Variants in GBF1 observed in about 807,000 individuals in gnomAD.
GBF1 encodes the protein golgi brefeldin A resistant guanine nucleotide exchange factor 1.
A neutral mutation model predicts 210.5 loss-of-function variants in GBF1; 114 were observed. That is an observed-to-expected ratio of 0.54 (90% confidence interval 0.47 to 0.63). The LOEUF (loss-of-function observed/expected upper bound fraction) is 0.63. GBF1 is among the 30% of genes least tolerant of loss of function. GBF1 has a pLI of 0.00. For synonymous variants in GBF1, 850 were observed against 889.2 expected (o/e 0.96, Z 0.78); for missense variants, 1,851 against 2,357.7 (o/e 0.79, Z 4.45).
At chr10:102,340,909 A>G (rs1348202618) in intron 3 of GBF1, among the ~76,000 whole-genome samples, 1 of 152,238 alleles carries the variant, frequency 6.6e-6, no homozygotes, top group Non-Finnish European at 1.5e-5. Context: ...GGAATTAGGC[A>G]GAGTCAATTT....
the GBF1 span, chr10:102,231,585 T>C: frequency 1.3e-6 from 2 of 1,580,930 alleles, no homozygotes; most frequent in Non-Finnish European, 1.7e-6. Flanking sequence ...CTGGAGAGCA[T>C]ACCCGCACGC....
At chr10:102,242,140 T>C (rs558183817), upstream of GBF1, among the ~76,000 whole-genome samples, 16 of 152,326 alleles carry the variant, frequency 1.1e-4, no homozygotes, top group South Asian at 3.3e-3. Flanking sequence ...TCTTTCCTCA[T>C]ATCTTTCCTC....
chr10:102,235,464 G>C, the GBF1 span, among the ~76,000 whole-genome samples: 8 of 152,144 alleles, frequency 5.3e-5, no homozygotes, highest in Admixed American at 2.0e-4. Flanking sequence ...CTTACTAGCT[G>C]TGTGTCCTCG....
intron 3 of GBF1, among the ~76,000 whole-genome samples, chr10:102,277,463 C>T (rs1195250405): frequency 3.3e-5 from 5 of 150,068 alleles, no homozygotes; most frequent in African/African-American, 1.2e-4. Context: ...GATCTCGGCT[C>T]GCCTCCCGGG....
chr10:102,361,604 C>T (rs987110960), intron 13 of GBF1, 114 bp from the exon 14 acceptor site: 6 of 669,588 alleles, frequency 9.0e-6, no homozygotes, highest in Admixed American at 5.5e-5. Context: ...TCTCTTAATA[C>T]ATGCCTCTAG....
the GBF1 span, among the ~76,000 whole-genome samples, chr10:102,237,625 T>A: frequency 6.6e-6 from 1 of 152,094 alleles, no homozygotes; most frequent in Non-Finnish European, 1.5e-5. Context: ...CAACATCTAC[T>A]AGAAAACAGA....
rs753193007 is a variant in GBF1 at position 102,366,410 on chromosome 10, G to A, written c.2337G>A (p.Leu779=). 1.2e-6 allele frequency: 2 copies of A among 1,613,996 alleles called. No individual in the cohort carries two copies. The highest frequency in any genetic ancestry group is 2.7e-5 in the African/African-American group (2 of 75,016). ...CCTTCAGTTTTCAGGGTCTGCGACTGGACGAAGCCCTCCGCCTCTACCTGG... is the reference window on the plus strand; with the variant it reads ...CCTTCAGTTTTCAGGGTCTGCGACTAGACGAAGCCCTCCGCCTCTACCTGG... ...VSTFSFQGLR[L]DEALRLYLEA... The change falls in exon 19 of 40, where the codon CTG becomes CTA. Residue 779 remains leucine (L), a synonymous_variant. Transcript: ENST00000369983. The surrounding 1 kb of genome is among the most constrained non-coding windows in gnomAD (Gnocchi z 4.0).
At chr10:102,320,554 C>T (rs1189536558) in intron 3 of GBF1, among the ~76,000 whole-genome samples, 1 of 152,014 alleles carries the variant, frequency 6.6e-6, no homozygotes, top group Non-Finnish European at 1.5e-5. Context: ...TCACCTTCTA[C>T]CTGGTGCCTC....
chr10:102,252,356 G>A (rs2071659918), intron 1 of GBF1, among the ~76,000 whole-genome samples: 1 of 150,278 alleles, frequency 6.7e-6, no homozygotes, highest in African/African-American at 2.4e-5. Flanking sequence ...AAAAAAAAGT[G>A]GAAAAATAAA....
intron 4 of GBF1, among the ~76,000 whole-genome samples, chr10:102,344,507 GTCTCAC>G (rs769920980): frequency 5.3e-5 from 8 of 152,004 alleles, no homozygotes; most frequent in Non-Finnish European, 1.0e-4. Flanking sequence ...TAGAGATGGA[GTCTCAC>G]TCTGTCGCCC....
intron 8 of GBF1, among the ~76,000 whole-genome samples, chr10:102,356,932 G>T (rs901670250): frequency 5.9e-5 from 9 of 152,156 alleles, no homozygotes; most frequent in African/African-American, 2.2e-4. Flanking sequence ...ACAGCAAGAG[G>T]GGAGTGCAAC....
At position 102,381,174 on chromosome 10, in the gene GBF1, C is replaced by T. The variant is rs1284979529; in HGVS notation, c.5221C>T (p.His1741Tyr). The change falls in exon 39 of 40, where the codon CAC becomes TAC. Residue 1741 changes from histidine (H) to tyrosine (Y), a missense_variant. Physicochemically the swap from His to Tyr is moderately conservative, Grantham distance 83. Transcript: ENST00000369983. ...PQGQKPLASA[H>Y]LTSAAGDTRT... ...AGGCCAAAAGCCTCTCGCCTCAGCCCACCTGACTTCCGCTGCTGGCGACAC... is the reference window on the plus strand; with the variant it reads ...AGGCCAAAAGCCTCTCGCCTCAGCCTACCTGACTTCCGCTGCTGGCGACAC... 6.2e-7 allele frequency: 1 copy of T among 1,613,912 alleles called. No individual in the cohort carries two copies. Among genetic ancestry groups the T allele is most frequent in the African/African-American group, 1.3e-5 (1 of 75,052 alleles).
At chr10:102,232,018 A>G in the GBF1 span, 11 of 1,608,864 alleles carry the variant, frequency 6.8e-6, no homozygotes, top group Non-Finnish European at 9.3e-6. Flanking sequence ...GCGGAGTGCC[A>G]GCGTCTGACA....
At chr10:102,359,197 T>G in intron 10 of GBF1, 70 bp from the exon 11 acceptor site, 1 of 1,074,750 alleles carries the variant, frequency 9.3e-7, no homozygotes, top group South Asian at 1.3e-5. Flanking sequence ...AGACAGCTAC[T>G]TCAGGGGAGT....
Position 102,287,344 on chromosome 10 carries a change from C to CTTTTTTTTT in GBF1, c.163+27247_163+27255dup, listed in dbSNP as rs763880492. 2.4e-3 allele frequency among the ~76,000 whole-genome samples: 167 copies of CTTTTTTTTT among 69,540 alleles called. 7 individuals are homozygous for CTTTTTTTTT. Among genetic ancestry groups the CTTTTTTTTT allele is most frequent in the African/African-American group, 0.01 (154 of 14,792 alleles). 45.6% of individuals were successfully genotyped at this position (69,540 alleles called of 152,430 possible). On this transcript the variant is annotated intron_variant, in intron 3 of 39. Coordinates refer to ENST00000369983, the MANE Select transcript of GBF1 (RefSeq NM_001377137.1). ...CACACAGTTTCTTTTATTTTATTTT[C>CTTTTTTTTT]TTTTTTTTTTTTTTTTTTTTTTTTT...
At chr10:102,345,110 C>T (rs1430225024) in intron 4 of GBF1, among the ~76,000 whole-genome samples, 4 of 151,474 alleles carry the variant, frequency 2.6e-5, no homozygotes, top group Admixed American at 6.6e-5. Context: ...GGTGAAACCC[C>T]GTATCTACTA....
At chr10:102,334,022 T>C (rs1215441325) in intron 3 of GBF1, among the ~76,000 whole-genome samples, 2 of 152,120 alleles carry the variant, frequency 1.3e-5, no homozygotes, top group East Asian at 3.8e-4. Flanking sequence ...TTTATCATGC[T>C]ATGATTTATT....
chr10:102,349,026 G>A (rs865882143), intron 4 of GBF1, among the ~76,000 whole-genome samples: 41 of 152,184 alleles, frequency 2.7e-4, no homozygotes, highest in Middle Eastern at 6.8e-3. Context: ...GCACACATCT[G>A]TAGTCCTAGC....
chr10:102,241,365 C>T, upstream of GBF1: 1 of 152,926 alleles, frequency 6.5e-6, no homozygotes, highest in Non-Finnish European at 1.5e-5. This position sits in a 1 kb window ranked among gnomAD's most constrained non-coding sequence, Gnocchi z 6.7. Context: ...CTCCCAGTAG[C>T]GGCGGCTGCG....
Sources: gnomAD v4.1 joint callset for allele counts (sites outside exome capture counted in the v4.1 genomes callset) on GRCh38, gnomAD v4.1.1 for gene constraint, Gnocchi (gnomAD v3.1) non-coding constraint, MANE v1.5 for transcripts, NCBI Gene and HGNC (gene_info 2026-07-23, HGNC 2026-07-21) for gene names.